ATRNL1: variants seen among roughly 807,000 people sequenced by gnomAD.
ATRNL1 encodes attractin-like protein 1.
ATRNL1 carries 95 observed loss-of-function variants against 182.7 expected under a neutral mutation model. That is an observed-to-expected ratio of 0.52 (90% CI 0.44 to 0.62). ATRNL1 has a LOEUF of 0.62. Among genes scored for constraint, ATRNL1 ranks in the 20% least tolerant of loss-of-function variants. The pLI, the probability that ATRNL1 is intolerant of heterozygous loss-of-function variation, is 0.00. For synonymous variants in ATRNL1, 576 were observed against 568.3 expected, an observed-to-expected ratio of 1.01 and a Z score of -0.19; for missense variants, 1,471 against 1,679.5, an observed-to-expected ratio of 0.88 and a Z score of 2.17.
intron 1 of ATRNL1, among the ~76,000 whole-genome samples, chr10:115,111,126 G>A (rs559986689): frequency 6.6e-6 from 1 of 152,230 alleles, no homozygotes; most frequent in South Asian, 2.1e-4. Context: ...AGCCAAAAGG[G>A]GAAGAGATTG....
intron 26 of ATRNL1, among the ~76,000 whole-genome samples, chr10:115,679,896 C>A (rs1197126803): frequency 6.6e-6 from 1 of 152,054 alleles, no homozygotes; most frequent in Non-Finnish European, 1.5e-5. Context: ...TTCCTTAATA[C>A]CCTGTTAAAA....
chr10:115,613,565 TTCA>T (rs2133783944), intron 26 of ATRNL1, among the ~76,000 whole-genome samples: 1 of 152,292 alleles, frequency 6.6e-6, no homozygotes, highest in South Asian at 2.1e-4. Context: ...AAATTCCTTC[TTCA>T]TCAGTTTTTT....
chr10:115,171,155 G>A lies in ATRNL1; in HGVS notation c.1211G>A (p.Gly404Glu). 3 of 1,611,532 alleles carry A rather than the reference G, an allele frequency of 1.9e-6. No homozygotes were observed. The highest frequency in any genetic ancestry group is 2.5e-6 in the Non-Finnish European group (3 of 1,178,362). ...AGTACAAAAACTCCTACTGTTCTTG[G>A]ACATGGTCAGCAGTATGCTGTGGAG... ...SWSTKTPTVL[G>E]HGQQYAVEGH... Residue 404 changes from glycine to glutamate, a missense_variant, in exon 8 of 29, where the codon GGA becomes GAA. This residue lies in a region of ATRNL1 where 1,031 missense variants were observed against 1,156.0 expected (regional missense o/e 0.89). Coordinates refer to ENST00000355044, the MANE Select transcript of ATRNL1 (RefSeq NM_207303.4).
chr10:115,156,139 G>A (rs577623700), intron 5 of ATRNL1, among the ~76,000 whole-genome samples: 1 of 152,092 alleles, frequency 6.6e-6, no homozygotes, highest in East Asian at 1.9e-4. Flanking sequence ...GACTGATAAC[G>A]TGCGATGCTG....
chr10:115,746,628 C>T (rs1948300072), intron 27 of ATRNL1, among the ~76,000 whole-genome samples: 2 of 151,874 alleles, frequency 1.3e-5, no homozygotes, highest in South Asian at 4.1e-4. Flanking sequence ...GACTATAATC[C>T]TAGGAGTACT....
chr10:115,908,086 A>ACAG (rs1284303860), intron 28 of ATRNL1, among the ~76,000 whole-genome samples: 1 of 152,210 alleles, frequency 6.6e-6, no homozygotes, highest in African/African-American at 2.4e-5. Context: ...CCTACAAGAA[A>ACAG]CAGCAGAGAA....
At chr10:115,391,797 T>G (rs1844036827) in intron 19 of ATRNL1, among the ~76,000 whole-genome samples, 1 of 152,058 alleles carries the variant, frequency 6.6e-6, no homozygotes, top group East Asian at 1.9e-4. Context: ...TAGAGTTTTT[T>G]TTTTAATCCA....
chr10:115,590,317 C>T (rs1855826751), intron 26 of ATRNL1, among the ~76,000 whole-genome samples: 1 of 152,152 alleles, frequency 6.6e-6, no homozygotes, highest in South Asian at 2.1e-4. Context: ...TAGTGTCACC[C>T]TGTTTTTAAT....
intron 19 of ATRNL1, among the ~76,000 whole-genome samples, chr10:115,368,653 C>G (rs895423253): frequency 2.0e-5 from 3 of 152,126 alleles, no homozygotes; most frequent in East Asian, 3.9e-4. Flanking sequence ...TTTCCCATCC[C>G]CTTTTCCACA....
rs551874961 is a variant in ATRNL1 at position 115,816,653 on chromosome 10, A to T, written c.3904-31224A>T. Among the ~76,000 whole-genome samples, 248 of 151,998 alleles carry T rather than the reference A, an allele frequency of 1.6e-3. 11 individuals carry two copies. In the South Asian group the frequency reaches 0.049, roughly 30 times the overall value. ...ACACACACACACGTGAAGGAAGAAA[A>T]CAGCCTTACCTGTTAAGTTTCAGTC... On this transcript the variant is annotated intron_variant, in intron 27 of 28. Coordinates refer to ENST00000355044, the MANE Select transcript of ATRNL1 (RefSeq NM_207303.4).
Position 115,127,557 on chromosome 10 carries a change from T to G in ATRNL1, c.492-36T>G, listed in dbSNP as rs374488369. 12 of 1,528,042 alleles carry G rather than the reference T, an allele frequency of 7.9e-6. No homozygotes were observed. The African/African-American group carries it at 8.3e-5, about 11-fold the overall frequency. 94.7% of individuals were successfully genotyped at this position (1,528,042 alleles called of 1,614,324 possible). On this transcript the variant is annotated intron_variant, in intron 3 of 28. Transcript: ENST00000355044. ...TATGTGCTTAACAGTCTTATGTATA[T>G]CTATACATACAATATTCAGTTTTGT...
At chr10:115,758,635 C>T (rs1386894479) in intron 27 of ATRNL1, among the ~76,000 whole-genome samples, 1 of 152,224 alleles carries the variant, frequency 6.6e-6, no homozygotes, top group African/African-American at 2.4e-5. Context: ...GGCAGTCTGT[C>T]CCTTATCAGA....
At chr10:115,865,834 A>AT (rs1951429041) in intron 28 of ATRNL1, among the ~76,000 whole-genome samples, 1 of 152,148 alleles carries the variant, frequency 6.6e-6, no homozygotes. Flanking sequence ...GGCAAATCTT[A>AT]TGGACACTTC....
At chr10:115,439,628 T>TA (rs140305052) in intron 21 of ATRNL1, among the ~76,000 whole-genome samples, 4,777 of 152,014 alleles carry the variant, frequency 0.031, 245 homozygotes, top group African/African-American at 0.11. Flanking sequence ...GATACATACT[T>TA]ACCTTAAATG....
chr10:115,622,911 A>C (rs545447464), intron 26 of ATRNL1, among the ~76,000 whole-genome samples: 1 of 152,192 alleles, frequency 6.6e-6, no homozygotes, highest in East Asian at 1.9e-4. Context: ...TAGGTGACAG[A>C]GCGAGACTGT....
At chr10:115,878,157 G>A (rs1951741350) in intron 28 of ATRNL1, among the ~76,000 whole-genome samples, 1 of 152,214 alleles carries the variant, frequency 6.6e-6, no homozygotes. Flanking sequence ...GCAGAAAAAT[G>A]GAAGAATCTT....
Position 115,137,912 on chromosome 10 carries a change from C to T in ATRNL1, c.829+8377C>T, listed in dbSNP as rs549511405. Among the ~76,000 whole-genome samples, 6 of 152,322 alleles carry T rather than the reference C, an allele frequency of 3.9e-5. No homozygotes were observed. The South Asian group carries it at 1.2e-3, about 32-fold the overall frequency. ...TCTGAGACAAGGCAAGTCCCTTCTG[C>T]CTGTGAGCCTGTAAAATCAAAAGCA... On this transcript the variant is annotated intron_variant, in intron 5 of 28. Coordinates refer to ENST00000355044, the MANE Select transcript of ATRNL1 (RefSeq NM_207303.4).
intron 20 of ATRNL1, among the ~76,000 whole-genome samples, chr10:115,413,545 A>G (rs1418200316): frequency 6.6e-6 from 1 of 152,052 alleles, no homozygotes. Flanking sequence ...GAATGGACTC[A>G]TGAATTCCTG....
chr10:115,790,135 C>G (rs1283107969), intron 27 of ATRNL1, among the ~76,000 whole-genome samples: 13 of 151,328 alleles, frequency 8.6e-5, no homozygotes, highest in Non-Finnish European at 1.5e-4. Flanking sequence ...TTTCCCAAAT[C>G]AATTTTGAGA....
Sources: allele counts gnomAD v4.1 joint callset (sites outside exome capture counted in the v4.1 genomes callset), GRCh38; gene constraint gnomAD v4.1.1; regional missense constraint gnomAD v4.1.1; transcripts MANE v1.5; gene names NCBI Gene and HGNC (gene_info 2026-07-23, HGNC 2026-07-21).